Variants in ZRANB1 observed in about 807,000 individuals in gnomAD.
ZRANB1 encodes the protein zinc finger RANBP2-type containing 1.
Under a neutral mutation model 80.5 loss-of-function variants are expected in ZRANB1, and 16 were observed. That is an observed-to-expected ratio of 0.20 (90% CI 0.13 to 0.30). The LOEUF is 0.30. Ranked by LOEUF, ZRANB1 falls within the 10% of genes least tolerant of loss-of-function variation. The pLI is 1.00. For missense variants in ZRANB1, 576 were observed against 862.6 expected (o/e 0.67, Z 4.16); for synonymous variants, 291 against 293.1 (o/e 0.99, Z 0.07).
chr10:124,974,229 T>C lies in ZRANB1; in HGVS notation c.1258T>C (p.Trp420Arg). The change falls in exon 5 of 9, where the codon TGG becomes CGG. Residue 420 changes from tryptophan (W) to arginine (R), a missense_variant. Trp to Arg is a moderately radical substitution (Grantham distance 101). Coordinates refer to ENST00000359653, the MANE Select transcript of ZRANB1 (RefSeq NM_017580.3). ...AGAAGAAGAATCTCCAATTATTAACTGGTCCTTGGAATTGGCTACACGTTT... is the reference window on the plus strand; with the variant it reads ...AGAAGAAGAATCTCCAATTATTAACCGGTCCTTGGAATTGGCTACACGTTT... Reference protein sequence around the residue: ...ELEEESPIINWSLELATRLDS... With the variant: ...ELEEESPIINRSLELATRLDS... 1 of 1,614,260 alleles carries C rather than the reference T, an allele frequency of 6.2e-7. No homozygotes were observed. The highest frequency in any genetic ancestry group is 8.5e-7 in the Non-Finnish European group (1 of 1,180,040).
chr10:124,939,207 T>C (rs1951513913), upstream of ZRANB1, among the ~76,000 whole-genome samples: 1 of 151,614 alleles, frequency 6.6e-6, no homozygotes, highest in African/African-American at 2.4e-5. Context: ...TTTTTTTTTT[T>C]CCTTTTTTGT....
the ZRANB1 span, among the ~76,000 whole-genome samples, chr10:124,932,463 A>G: frequency 1.3e-5 from 2 of 151,718 alleles, no homozygotes; most frequent in African/African-American, 2.4e-5. Flanking sequence ...CTAGTTTTTT[A>G]TAATTTTAGT....
intron 1 of ZRANB1, among the ~76,000 whole-genome samples, chr10:124,965,118 T>A (rs1455823570): frequency 6.6e-6 from 1 of 152,240 alleles, no homozygotes; most frequent in Non-Finnish European, 1.5e-5. Flanking sequence ...ATGCCATCCT[T>A]GATTAAGCTT....
intron 1 of ZRANB1, among the ~76,000 whole-genome samples, chr10:124,961,329 G>A (rs1414386640): frequency 6.6e-6 from 1 of 152,102 alleles, no homozygotes; most frequent in Non-Finnish European, 1.5e-5. Context: ...TTTAAGAACC[G>A]TAATTTCCTT....
chr10:124,976,952 T>C (rs1053133441), intron 5 of ZRANB1, among the ~76,000 whole-genome samples: 3 of 151,866 alleles, frequency 2.0e-5, no homozygotes, highest in Non-Finnish European at 4.4e-5. Context: ...TTTTTTTTAG[T>C]GATGAGGGTT....
At chr10:124,918,037 G>T in the ZRANB1 span, among the ~76,000 whole-genome samples, 1 of 152,126 alleles carries the variant, frequency 6.6e-6, no homozygotes, top group Non-Finnish European at 1.5e-5. Context: ...TGAGGATATT[G>T]TATTTCAGTC....
chr10:124,919,605 T>A, the ZRANB1 span, among the ~76,000 whole-genome samples: 3 of 141,080 alleles, frequency 2.1e-5, no homozygotes, highest in Non-Finnish European at 4.6e-5. Context: ...TTTTTCCTCC[T>A]CCTCCTCCTT....
the ZRANB1 span, among the ~76,000 whole-genome samples, chr10:124,925,186 A>G: frequency 6.6e-6 from 1 of 152,334 alleles, no homozygotes; most frequent in East Asian, 1.9e-4. Flanking sequence ...CTGGGATTAC[A>G]GGCGTGAGCC....
intron 2 of ZRANB1, among the ~76,000 whole-genome samples, chr10:124,969,262 G>A (rs1357359566): frequency 2.0e-5 from 3 of 152,160 alleles, no homozygotes; most frequent in African/African-American, 4.8e-5. Context: ...GCTGTATTCC[G>A]TGGGACGTGT....
the ZRANB1 span, among the ~76,000 whole-genome samples, chr10:124,936,957 G>T: frequency 5.3e-5 from 8 of 151,818 alleles, no homozygotes; most frequent in South Asian, 4.1e-4. Flanking sequence ...GCTGCTTTTT[G>T]TTGTTGTTGT....
intron 1 of ZRANB1, among the ~76,000 whole-genome samples, chr10:124,950,703 A>G (rs2134254351): frequency 6.6e-6 from 1 of 152,246 alleles, no homozygotes; most frequent in South Asian, 2.1e-4. Context: ...GGGTCTGGAT[A>G]TGGTGGCTCA....
chr10:124,966,037 G>C (rs1951772951), intron 1 of ZRANB1, among the ~76,000 whole-genome samples: 1 of 152,168 alleles, frequency 6.6e-6, no homozygotes, highest in Admixed American at 6.5e-5. Flanking sequence ...TTGGCTATGA[G>C]AATCTGAAAT....
At chr10:124,928,766 TGCTG>T in the ZRANB1 span, among the ~76,000 whole-genome samples, 1 of 152,168 alleles carries the variant, frequency 6.6e-6, no homozygotes, top group Non-Finnish European at 1.5e-5. Context: ...TAGTGATAAG[TGCTG>T]TGCAGAAAAT....
rs577921011 is a variant in ZRANB1 at position 124,969,177 on chromosome 10, G to C, written c.1002+2396G>C. 4.9e-4 allele frequency among the ~76,000 whole-genome samples: 75 copies of C among 152,358 alleles called. 1 individual carries two copies. The South Asian group carries it at 0.015, about 31-fold the overall frequency. The stretch of plus-strand genomic sequence containing the variant: ...GATCCAAGAGAGGCACAGAGTACAA[G>C]AGAGTGATCCAGTGTCTTTGAAACC... On this transcript the variant is annotated intron_variant, in intron 2 of 8. Transcript: ENST00000359653.
the ZRANB1 span, among the ~76,000 whole-genome samples, chr10:124,928,326 C>T: frequency 6.6e-6 from 1 of 152,162 alleles, no homozygotes; most frequent in African/African-American, 2.4e-5. Flanking sequence ...AGCACTTGAT[C>T]CTCACCTTCC....
chr10:124,924,366 A>G, the ZRANB1 span, among the ~76,000 whole-genome samples: 2 of 152,046 alleles, frequency 1.3e-5, no homozygotes, highest in East Asian at 3.9e-4. Context: ...TTTAAAGTAT[A>G]CAATTCAGTA....
At chr10:124,918,913 T>TGGAGCAAAA in the ZRANB1 span, among the ~76,000 whole-genome samples, 1 of 152,210 alleles carries the variant, frequency 6.6e-6, no homozygotes, top group Non-Finnish European at 1.5e-5. Flanking sequence ...GAGGAGGATG[T>TGGAGCAAAA]TATCTGAGTG....
chr10:124,984,644 C>G, intron 8 of ZRANB1, 130 bp from the exon 9 acceptor site: 1 of 881,472 alleles, frequency 1.1e-6, no homozygotes, highest in Non-Finnish European at 1.7e-6. Flanking sequence ...GAGGTCAAAA[C>G]CATGTGAAAA....
chr10:124,951,785 C>T (rs555266410), intron 1 of ZRANB1, among the ~76,000 whole-genome samples: 75 of 151,978 alleles, frequency 4.9e-4, no homozygotes, highest in Non-Finnish European at 9.3e-4. Flanking sequence ...GGTGAAACCT[C>T]GTCTCTACTG....
Sources: allele counts gnomAD v4.1 joint callset (sites outside exome capture counted in the v4.1 genomes callset), GRCh38; gene constraint gnomAD v4.1.1; transcripts MANE v1.5; gene names NCBI Gene and HGNC (gene_info 2026-07-23, HGNC 2026-07-21).